DHX30: variants seen among roughly 807,000 people sequenced by gnomAD.
DHX30 encodes the protein ATP-dependent RNA helicase DHX30.
In DHX30, 4 loss-of-function variants were observed where a neutral mutation model predicts 116.9. The observed-to-expected ratio is 0.03, with a 90% CI of 0.02 to 0.08. The LOEUF is 0.08. DHX30 is among the 10% of genes least tolerant of loss of function. The probability of loss-of-function intolerance (pLI) is 1.00; values close to 1 mark genes in which losing one functional copy is unlikely to be tolerated. For missense variants in DHX30, 871 were observed against 1,595.1 expected (o/e 0.55, Z 7.73); for synonymous variants, 697 against 651.7 (o/e 1.07, Z -1.06).
chr3:47,845,721 A>C lies in DHX30; in HGVS notation c.961A>C (p.Asn321His). 6.2e-7 allele frequency: 1 copy of C among 1,603,598 alleles called. No individual in the cohort carries two copies. The highest frequency in any genetic ancestry group is 8.5e-7 in the Non-Finnish European group (1 of 1,171,560). The change falls in exon 10 of 22, where the codon AAC becomes CAC. Residue 321 changes from asparagine (N) to histidine (H), a missense_variant. Physicochemically the swap from Asn to His is moderately conservative, Grantham distance 68. Coordinates refer to ENST00000445061, the MANE Select transcript of DHX30 (RefSeq NM_138615.3). ...GCAGAGCCTGGGCCTGGTGGACAGGAACAACGAACCGCTTACACACGCCAT... is the reference window on the plus strand; with the variant it reads ...GCAGAGCCTGGGCCTGGTGGACAGGCACAACGAACCGCTTACACACGCCAT... ...KLKSLGLVDR[N>H]NEPLTHAMYN...
intron 8 of DHX30, 151 bp downstream of exon 8, chr3:47,841,888 C>T: frequency 9.0e-7 from 1 of 1,116,900 alleles, no homozygotes; most frequent in Non-Finnish European, 1.3e-6. Context: ...GGAGGAAAAG[C>T]AGCAGGTGTG....
intron 4 of DHX30, among the ~76,000 whole-genome samples, chr3:47,823,357 G>GTTTTTTTTTT (rs556494505): frequency 1.6e-5 from 2 of 128,036 alleles, no homozygotes; most frequent in Non-Finnish European, 1.7e-5. Context: ...CCTGGTTGTT[G>GTTTTTTTTTT]TTTTTTTTTT....
rs199690329 is a variant in DHX30 at position 47,840,932 on chromosome 3, T to C, written c.422T>C (p.Val141Ala). Residue 141 changes from valine to alanine, a missense_variant, in exon 7 of 22, where the codon GTG (valine) becomes GCG (alanine). Val to Ala is a moderately conservative substitution (Grantham distance 64, BLOSUM62 0). This residue lies in a region of DHX30 where 109 missense variants were observed against 118.8 expected (regional missense o/e 0.92). Transcript: ENST00000445061. ...NELFDAAKYR[V>A]LADRFGSPAD... Reference sequence around the variant, plus strand: ...TTGTTTGACGCAGCCAAATACCGAGTGCTAGCTGATCGCTTTGGCTCCCCT... The same window carrying C: ...TTGTTTGACGCAGCCAAATACCGAGCGCTAGCTGATCGCTTTGGCTCCCCT... The C allele has an allele frequency of 6.2e-7, 1 of 1,614,126 alleles. No homozygotes were observed. The highest frequency in any genetic ancestry group is 8.5e-7 in the Non-Finnish European group (1 of 1,180,022).
At chr3:47,832,842 T>C (rs1460588767) in intron 6 of DHX30, among the ~76,000 whole-genome samples, 1 of 152,020 alleles carries the variant, frequency 6.6e-6, no homozygotes, top group East Asian at 1.9e-4. Context: ...TTTTGCCATG[T>C]TGGCCAGGCT....
chr3:47,845,338 C>T (rs1559718893), intron 9 of DHX30, among the ~76,000 whole-genome samples: 2 of 151,952 alleles, frequency 1.3e-5, no homozygotes, highest in African/African-American at 2.4e-5. Context: ...TAGGTGCCGG[C>T]CCCCCACCTG....
chr3:47,842,036 C>G (rs2037398578), intron 8 of DHX30: 2 of 330,580 alleles, frequency 6.0e-6, no homozygotes, highest in Non-Finnish European at 1.1e-5. Context: ...GTATGAATTT[C>G]TCTCTTGCTG....
rs570907334 is a variant in DHX30 at position 47,819,559 on chromosome 3, T to C, written c.124+1442T>C. Reference sequence around the variant, plus strand: ...CTCAGCTAGAAGCAACAGCCCCTCTTGGCCTGCGGATAGCGATCAGGCCTC... The same window carrying C: ...CTCAGCTAGAAGCAACAGCCCCTCTCGGCCTGCGGATAGCGATCAGGCCTC... On this transcript the variant is annotated intron_variant, in intron 4 of 21. Coordinates refer to ENST00000445061, the MANE Select transcript of DHX30 (RefSeq NM_138615.3). Among the ~76,000 whole-genome samples, 5 of 152,298 alleles carry C rather than the reference T, an allele frequency of 3.3e-5. No homozygotes were observed. The East Asian group carries it at 9.6e-4, about 29-fold the overall frequency.
At chr3:47,826,532 G>A (rs1273947917) in intron 4 of DHX30, among the ~76,000 whole-genome samples, 7 of 147,840 alleles carry the variant, frequency 4.7e-5, no homozygotes, top group Admixed American at 2.1e-4. Context: ...TACAACCTCC[G>A]CCTCCCGGGT....
At chr3:47,826,094 T>TG (rs945807534) in intron 4 of DHX30, 1 of 152,196 alleles carries the variant, frequency 6.6e-6, no homozygotes, top group Non-Finnish European at 1.5e-5. Flanking sequence ...AGGTCCCCTG[T>TG]GGGGAGCTGG....
At chr3:47,843,364 C>T in intron 9 of DHX30, 109 bp downstream of exon 9, 1 of 1,452,134 alleles carries the variant, frequency 6.9e-7, no homozygotes, top group Non-Finnish European at 9.3e-7. Context: ...CACAGCAGGC[C>T]TTTTGCCTGG....
Position 47,803,223 on chromosome 3 carries a change from C to G in DHX30, c.-123+11C>G. ...CATCTGTAACAACAGGTGAATTGGG[C>G]TTTTTATTCTCCCCTTTCGTGCCCT... On this transcript the variant is annotated intron_variant, in intron 1 of 21. Transcript: ENST00000445061. 1 of 393,302 alleles carries G rather than the reference C, an allele frequency of 2.5e-6. No individual in the cohort carries two copies. The allele number at this position is 393,302 out of a possible 1,614,324, so 24.4% of individuals were successfully genotyped here.
chr3:47,827,417 C>G lies in DHX30; in HGVS notation c.195C>G (p.Leu65=), dbSNP rs747002700. The G allele has an allele frequency of 1.9e-6, 3 of 1,614,022 alleles. No individual in the cohort carries two copies. The Admixed American group carries it at 5.0e-5, about 27-fold the overall frequency. ...TCAACAGTGTGATTGGAAGAGCCCT[C>G]GGCATCTCACATGCAAAAGACAAAC... is the stretch of plus-strand genomic sequence containing the variant. ...NLLNSVIGRA[L]GISHAKDKLV... Residue 65 remains leucine, a synonymous_variant, in exon 5 of 22, where the codon CTC becomes CTG. Coordinates refer to ENST00000445061, the MANE Select transcript of DHX30 (RefSeq NM_138615.3).
At chr3:47,819,126 C>CA (rs1025732837) in intron 4 of DHX30, 6 of 943,578 alleles carry the variant, frequency 6.4e-6, no homozygotes, top group African/African-American at 1.7e-5. Context: ...TTCTAGCCCC[C>CA]TGACCATTTG....
At chr3:47,803,445 G>GGGGGCGGGGGCCAGACCGGTCCGCC (rs1180523767) in intron 1 of DHX30, among the ~76,000 whole-genome samples, 1 of 152,126 alleles carries the variant, frequency 6.6e-6, no homozygotes, top group African/African-American at 2.4e-5. Flanking sequence ...GAGCCCGGGC[G>GGGGGCGGGGGCCAGACCGGTCCGCC]GGGGCGGGGG....
chr3:47,847,181 A>G lies in DHX30; in HGVS notation c.1930-92A>G. 20 of 1,548,360 alleles carry G rather than the reference A, an allele frequency of 1.3e-5. No individual in the cohort carries two copies. Among genetic ancestry groups the G allele is most frequent in the South Asian group, 6.8e-5 (6 of 88,646 alleles). On this transcript the variant is annotated intron_variant, in intron 11 of 21. Transcript: ENST00000445061. This position sits in a 1 kb window ranked among gnomAD's most constrained non-coding sequence, Gnocchi z 5.5. ...CACGTGAGGATTGGAGTTGATGTCA[A>G]GCGGCTCCGTCTCACTGAGTCAGGT...
At chr3:47,811,643 ATCTGTTTGGCT>A (rs1339980948) in intron 3 of DHX30, among the ~76,000 whole-genome samples, 1 of 152,198 alleles carries the variant, frequency 6.6e-6, no homozygotes, top group Non-Finnish European at 1.5e-5. Flanking sequence ...TGGTGCTGGC[ATCTGTTTGGCT>A]TCTGGGGAGG....
intron 6 of DHX30, among the ~76,000 whole-genome samples, chr3:47,839,280 CTTTT>C (rs59932351): frequency 1.5e-5 from 2 of 129,800 alleles, no homozygotes; most frequent in Admixed American, 7.8e-5. Flanking sequence ...CTTATATTCT[CTTTT>C]TTTTTTTTTT....
chr3:47,834,818 C>T (rs1171716955), intron 6 of DHX30, among the ~76,000 whole-genome samples: 2 of 152,062 alleles, frequency 1.3e-5, no homozygotes, highest in Non-Finnish European at 2.9e-5. Context: ...ACCATTCATC[C>T]TTTGACAGAT....
At chr3:47,803,720 G>A (rs2106915686) in intron 1 of DHX30, among the ~76,000 whole-genome samples, 1 of 152,362 alleles carries the variant, frequency 6.6e-6, no homozygotes, top group East Asian at 1.9e-4. Context: ...GTCACTGGGG[G>A]AGGCCAAGGG....
Sources: gnomAD v4.1 joint callset for allele counts (sites outside exome capture counted in the v4.1 genomes callset) on GRCh38, gnomAD v4.1.1 for gene constraint, gnomAD v4.1.1 regional missense constraint, Gnocchi (gnomAD v3.1) non-coding constraint, MANE v1.5 for transcripts, NCBI Gene and HGNC (gene_info 2026-07-23, HGNC 2026-07-21) for gene names.